TAFA5: variants seen among roughly 807,000 people sequenced by gnomAD.
The protein encoded by TAFA5 is TAFA chemokine like family member 5.
TAFA5 carries 6 observed loss-of-function variants against 15.3 expected under a neutral mutation model. The ratio of observed to expected loss-of-function variants is 0.39; its 90% CI spans 0.21 to 0.77. The LOEUF (loss-of-function observed/expected upper bound fraction) is 0.77, where lower values mean the gene tolerates loss of function less well. Ranked by LOEUF, TAFA5 falls within the 30% of genes least tolerant of loss-of-function variation. The pLI is 0.41. For missense variants in TAFA5, 161 were observed against 193.1 expected (o/e 0.83, Z 0.98); for synonymous variants, 103 against 80.7 (o/e 1.28, Z -1.48).
chr22:48,625,764 A>C, intron 1 of TAFA5, among the ~76,000 whole-genome samples: 1 of 152,228 alleles, frequency 6.6e-6, no homozygotes, highest in East Asian at 1.9e-4. Flanking sequence ...GGGTTTTGGC[A>C]AATGCATGAC....
intron 1 of TAFA5, among the ~76,000 whole-genome samples, chr22:48,567,466 T>C (rs755724630): frequency 8.5e-5 from 13 of 152,180 alleles, no homozygotes; most frequent in Non-Finnish European, 1.6e-4. Flanking sequence ...AGAGAAAAGA[T>C]AAGAATTTCA....
At chr22:48,518,008 C>T (rs2147105416) in intron 1 of TAFA5, among the ~76,000 whole-genome samples, 1 of 152,328 alleles carries the variant, frequency 6.6e-6, no homozygotes, top group East Asian at 1.9e-4. Flanking sequence ...GGCCCCACGT[C>T]CTCTCTGAAC....
intron 1 of TAFA5, among the ~76,000 whole-genome samples, chr22:48,603,291 G>A (rs1300418736): frequency 6.6e-6 from 1 of 152,362 alleles, no homozygotes; most frequent in Admixed American, 6.5e-5. Context: ...CCCACATGGC[G>A]TTGCTGGGCC....
At chr22:48,502,411 T>TGAGCCTTCCG (rs112506032) in intron 1 of TAFA5, among the ~76,000 whole-genome samples, 5 of 151,754 alleles carry the variant, frequency 3.3e-5, no homozygotes, top group African/African-American at 1.2e-4. Flanking sequence ...CTGGGGGAGC[T>TGAGCCTTCCG]GGGAGTACTT....
chr22:48,728,559 C>T (rs1022768315), intron 3 of TAFA5, among the ~76,000 whole-genome samples: 2 of 152,122 alleles, frequency 1.3e-5, no homozygotes, highest in African/African-American at 4.8e-5. Context: ...CACTACTGAA[C>T]AATATTATAT....
At chr22:48,533,118 C>G (rs1922028446) in intron 1 of TAFA5, among the ~76,000 whole-genome samples, 1 of 152,106 alleles carries the variant, frequency 6.6e-6, no homozygotes, top group African/African-American at 2.4e-5. Context: ...CCTGGGAGCA[C>G]CCCCTGGGAG....
At chr22:48,501,211 G>A (rs1161903539) in intron 1 of TAFA5, among the ~76,000 whole-genome samples, 1 of 152,240 alleles carries the variant, frequency 6.6e-6, no homozygotes, top group African/African-American at 2.4e-5. Flanking sequence ...TTGAGGAGCT[G>A]TGGCCTGAAT....
intron 1 of TAFA5, among the ~76,000 whole-genome samples, chr22:48,510,560 A>C (rs1199536432): frequency 1.3e-5 from 2 of 152,246 alleles, no homozygotes; most frequent in Non-Finnish European, 2.9e-5. Context: ...ATTTGAGAGA[A>C]AAGAACAGGA....
At chr22:48,699,969 CG>C (rs1569084912) in intron 2 of TAFA5, among the ~76,000 whole-genome samples, 1 of 152,110 alleles carries the variant, frequency 6.6e-6, no homozygotes, top group African/African-American at 2.4e-5. Flanking sequence ...GGAATTTACA[CG>C]GGGTATTGGG....
At chr22:48,671,900 G>C (rs895002137) in intron 2 of TAFA5, among the ~76,000 whole-genome samples, 1 of 152,180 alleles carries the variant, frequency 6.6e-6, no homozygotes, top group African/African-American at 2.4e-5. Flanking sequence ...GATGAGTGGG[G>C]AGTAAGCCCG....
chr22:48,696,675 A>G (rs1473477785), intron 2 of TAFA5, among the ~76,000 whole-genome samples: 2 of 152,086 alleles, frequency 1.3e-5, no homozygotes, highest in Non-Finnish European at 2.9e-5. Flanking sequence ...GGGGTCTGAC[A>G]CCCCTTCACC....
intron 1 of TAFA5, among the ~76,000 whole-genome samples, chr22:48,504,891 G>A (rs1240590495): frequency 6.6e-6 from 1 of 152,158 alleles, no homozygotes; most frequent in Non-Finnish European, 1.5e-5. Flanking sequence ...GCCTTGGGGG[G>A]CTCAGGGACC....
At chr22:48,732,266 C>T (rs130208) in intron 3 of TAFA5, among the ~76,000 whole-genome samples, 101,265 of 151,462 alleles carry the variant, frequency 0.67, 34,739 homozygotes, top group Admixed American at 0.72. Context: ...TTTTGTTTTT[C>T]TGAGACGGAG....
In TAFA5 at chr22:48,540,450, G is replaced by A. The variant is rs367936159; in HGVS notation, c.112+50746G>A. 4.6e-5 allele frequency among the ~76,000 whole-genome samples: 7 copies of A among 152,162 alleles called. No homozygotes were observed. The East Asian group carries it at 9.7e-4, about 21-fold the overall frequency. ...CCATGGGAACGATGACCGATTACCCGACCTCTCTGCTCCAGTCCCTGGTCC... is the reference window on the plus strand; with the variant it reads ...CCATGGGAACGATGACCGATTACCCAACCTCTCTGCTCCAGTCCCTGGTCC... On this transcript the variant is annotated intron_variant, in intron 1 of 3. Coordinates refer to ENST00000402357, the MANE Select transcript of TAFA5 (RefSeq NM_001082967.3).
At chr22:48,531,882 A>T (rs1390332096) in intron 1 of TAFA5, among the ~76,000 whole-genome samples, 1 of 152,214 alleles carries the variant, frequency 6.6e-6, no homozygotes, top group Non-Finnish European at 1.5e-5. Flanking sequence ...CTGGCAGGGC[A>T]GGAGAGGGTG....
At chr22:48,600,991 T>C (rs1422538592) in intron 1 of TAFA5, among the ~76,000 whole-genome samples, 1 of 152,162 alleles carries the variant, frequency 6.6e-6, no homozygotes, top group Non-Finnish European at 1.5e-5. Context: ...GCCGGCTTCC[T>C]CTCCTCACAC....
Position 48,742,748 on chromosome 22 carries a change from A to G in TAFA5, c.391-7091A>G, listed in dbSNP as rs9628529. On this transcript the variant is annotated intron_variant, in intron 3 of 3. Transcript: ENST00000402357. This position sits in a 1 kb window ranked among gnomAD's most constrained non-coding sequence, Gnocchi z 6.2. ...AAGCCGGCAGCACAGTGGAGCAGGC[A>G]TTATGGTGGACTGGGCAGCATGGTG... Among the ~76,000 whole-genome samples, 9,991 of 152,216 alleles carry G rather than the reference A, an allele frequency of 0.066. 405 individuals are homozygous for G. Among genetic ancestry groups the G allele is most frequent in the Admixed American group, 0.097 (1,485 of 15,294 alleles).
chr22:48,706,102 T>C (rs899873383), intron 2 of TAFA5, among the ~76,000 whole-genome samples: 15 of 152,190 alleles, frequency 9.9e-5, no homozygotes, highest in Admixed American at 9.8e-4. Context: ...CTGTGCAGCC[T>C]GGGCCTGGTG....
chr22:48,673,399 C>T (rs1188780462), intron 2 of TAFA5, among the ~76,000 whole-genome samples: 2 of 152,232 alleles, frequency 1.3e-5, no homozygotes, highest in African/African-American at 4.8e-5. Context: ...CCCAGGCAGT[C>T]CTGCCTGTCT....
Sources: allele counts gnomAD v4.1 joint callset (sites outside exome capture counted in the v4.1 genomes callset), GRCh38; gene constraint gnomAD v4.1.1; non-coding constraint Gnocchi (gnomAD v3.1); transcripts MANE v1.5; gene names NCBI Gene and HGNC (gene_info 2026-07-23, HGNC 2026-07-21).